FBXO25: variants seen among roughly 807,000 people sequenced by gnomAD.
The protein encoded by FBXO25 is F-box only protein 25.
Under a neutral mutation model 51.9 loss-of-function variants are expected in FBXO25, and 45 were observed. The ratio of observed to expected loss-of-function variants is 0.87; its 90% CI spans 0.68 to 1.11. The LOEUF (loss-of-function observed/expected upper bound fraction) is 1.11, where lower values mean the gene tolerates loss of function less well. Among genes scored for constraint, FBXO25 ranks in the 50% most tolerant of loss-of-function variants. The pLI is 0.00. For synonymous variants in FBXO25, 199 were observed against 151.0 expected, an observed-to-expected ratio of 1.32 and a Z score of -2.33; for missense variants, 507 against 428.5, an observed-to-expected ratio of 1.18 and a Z score of -1.62.
chr8:417,744 T>C (rs1460054885), intron 2 of FBXO25, among the ~76,000 whole-genome samples: 4 of 152,222 alleles, frequency 2.6e-5, no homozygotes, highest in African/African-American at 7.2e-5. Flanking sequence ...TCAGTGTGCA[T>C]TGAGTTCCTC....
rs756859801 is a variant in FBXO25, at chr8:413,184, G to A, written c.105G>A (p.Glu35=). The A allele has an allele frequency of 1.9e-6, 3 of 1,607,390 alleles. No individual in the cohort carries two copies. Among genetic ancestry groups the A allele is most frequent in the Non-Finnish European group, 1.7e-6 (2 of 1,177,666 alleles). The change falls in exon 2 of 10, where the codon GAG becomes GAA. Residue 35 remains glutamate, a synonymous_variant. Transcript: ENST00000350302. ...CTTGTAGTCAGAAACTTGAAAGAGA[G>A]AATAACCGTTGTAACATCAGTCACA... ...CESCSQKLER[E]NNRCNISHSI... is the part of the protein sequence containing the mutation.
At chr8:407,959 A>G (rs1287813550) in intron 1 of FBXO25, among the ~76,000 whole-genome samples, 1 of 152,156 alleles carries the variant, frequency 6.6e-6, no homozygotes, top group African/African-American at 2.4e-5. Context: ...TTCTTCCCTT[A>G]TGAAGCTGTC....
chr8:463,314 C>A (rs1379920485), intron 9 of FBXO25, among the ~76,000 whole-genome samples, 164 bp downstream of exon 9: 1 of 152,220 alleles, frequency 6.6e-6, no homozygotes, highest in South Asian at 2.1e-4. Context: ...AACAGATGTT[C>A]ATTCAATGTG....
chr8:416,133 A>G (rs1796786427), intron 2 of FBXO25, among the ~76,000 whole-genome samples: 1 of 152,094 alleles, frequency 6.6e-6, no homozygotes, highest in South Asian at 2.1e-4. Flanking sequence ...CATTCTGTAA[A>G]CTGATGTTTC....
In FBXO25 at chr8:433,192, ATGTG is replaced by A. The variant is rs567713971; in HGVS notation, c.288+262_288+265del. Among the ~76,000 whole-genome samples the A allele has an allele frequency of 2.0e-4, 30 of 152,082 alleles. 1 individual carries two copies. In the South Asian group the frequency reaches 6.2e-3, roughly 32 times the overall value. On this transcript the variant is annotated intron_variant, in intron 4 of 9. Transcript: ENST00000350302. ...TTTGTGTGTGTTGTGTGTATGGTGT[ATGTG>A]TGTGGTATATATGGTGTGTATGTAT... is the stretch of plus-strand genomic sequence containing the variant.
chr8:422,441 G>C (rs1797214232), intron 2 of FBXO25, among the ~76,000 whole-genome samples: 1 of 152,234 alleles, frequency 6.6e-6, no homozygotes, highest in African/African-American at 2.4e-5. Flanking sequence ...CCATGGTAGT[G>C]TGTCAGCTAA....
Position 451,347 on chromosome 8 carries a change from G to T in FBXO25, c.554G>T (p.Arg185Ile), listed in dbSNP as rs1313305096. ...AGCTCTACCCTCTGCATTCTTATTA[G>T]AGGAGTAGGGAAGTCTGTATTAGTG... ...DLSSTLCILI[R>I]GVGKSVLVGN... is the part of the protein sequence containing the mutation. The change falls in exon 7 of 10, where the codon AGA becomes ATA. Residue 185 changes from arginine (R) to isoleucine (I), a missense_variant. Arg to Ile is a moderately conservative substitution (Grantham distance 97). Transcript: ENST00000350302. 2 of 1,613,848 alleles carry T rather than the reference G, an allele frequency of 1.2e-6. No homozygotes were observed. The highest frequency in any genetic ancestry group is 1.3e-5 in the African/African-American group (1 of 74,906).
chr8:475,149 A>C lies in FBXO25; in HGVS notation c.*6345A>C, dbSNP rs1479131960. The C allele has an allele frequency of 2.9e-6, 1 of 349,914 alleles. No individual in the cohort carries two copies. The highest frequency in any genetic ancestry group is 5.5e-6 in the Non-Finnish European group (1 of 182,030). The allele number at this position is 349,914 out of a possible 1,614,324, so 21.7% of individuals were successfully genotyped here. A position where few individuals can be genotyped will look rare whatever the true frequency, so the allele number is the denominator to read the frequency against. On this transcript the variant is annotated 3_prime_UTR_variant, in exon 10 of 10. Transcript: ENST00000350302. ...AATTTTTATATATGGTGTGAGGTAG[A>C]TCTAGCTTCATGTGGATGTCCACTT... is the stretch of plus-strand genomic sequence containing the variant.
At chr8:462,030 G>C (rs1281696149) in intron 8 of FBXO25, among the ~76,000 whole-genome samples, 1 of 152,204 alleles carries the variant, frequency 6.6e-6, no homozygotes, top group Non-Finnish European at 1.5e-5. Context: ...TAGAATGGCT[G>C]AGTCATATGG....
chr8:423,206 A>G (rs1797260969), intron 2 of FBXO25, among the ~76,000 whole-genome samples: 1 of 151,408 alleles, frequency 6.6e-6, no homozygotes, highest in African/African-American at 2.4e-5. Flanking sequence ...GTAAATAGAG[A>G]GGCTTAATAC....
chr8:451,091 C>A, intron 6 of FBXO25, 178 bp from the exon 7 acceptor site: 1 of 554,854 alleles, frequency 1.8e-6, no homozygotes, highest in Non-Finnish European at 3.1e-6. Flanking sequence ...TTCATCCATG[C>A]TGAATATGTG....
Position 432,863 on chromosome 8 carries a change from A to G in FBXO25, c.239-23A>G, listed in dbSNP as rs781611245. 1.4e-5 allele frequency: 21 copies of G among 1,530,412 alleles called. No individual in the cohort carries two copies. In the East Asian group the frequency reaches 4.7e-4, roughly 34 times the overall value. 94.8% of individuals were successfully genotyped at this position (1,530,412 alleles called of 1,614,324 possible). On this transcript the variant is annotated intron_variant, in intron 3 of 9. Transcript: ENST00000350302. ...TTGAAATGATTTGCCAGATTTTAAA[A>G]ACAAAGGTAATTTTTATTCTAGGTT...
At chr8:432,969 G>C in intron 4 of FBXO25, 34 bp downstream of exon 4, 1 of 1,514,310 alleles carries the variant, frequency 6.6e-7, no homozygotes, top group Non-Finnish European at 8.8e-7. Context: ...AGAGTATCTT[G>C]TATTGTTTCT....
chr8:462,825 A>G (rs1037060052), intron 8 of FBXO25, among the ~76,000 whole-genome samples, 182 bp from the exon 9 acceptor site: 1 of 152,178 alleles, frequency 6.6e-6, no homozygotes, highest in Non-Finnish European at 1.5e-5. Context: ...TGGGAGCACA[A>G]AAATCCCAGA....
intron 5 of FBXO25, among the ~76,000 whole-genome samples, chr8:437,963 AT>A (rs1563078683): frequency 6.6e-6 from 1 of 151,888 alleles, no homozygotes; most frequent in Non-Finnish European, 1.5e-5. Context: ...ATGTAGAAGC[AT>A]TTTTTTAAAA....
rs1363695520 is a variant in FBXO25, at chr8:445,846, G to A, written c.382-4144G>A. 2.6e-5 allele frequency among the ~76,000 whole-genome samples: 4 copies of A among 152,210 alleles called. No individual in the cohort carries two copies. In the South Asian group the frequency reaches 8.3e-4, roughly 32 times the overall value. Reference sequence around the variant, plus strand: ...AGATCGCGCCATTGCACTCCAGCCTGGGGGACAAGAGTGAAACTCCGTCTC... The same window carrying A: ...AGATCGCGCCATTGCACTCCAGCCTAGGGGACAAGAGTGAAACTCCGTCTC... On this transcript the variant is annotated intron_variant, in intron 5 of 9. Transcript: ENST00000350302.
chr8:453,118 T>C (rs1387894995), intron 7 of FBXO25, among the ~76,000 whole-genome samples: 3 of 152,188 alleles, frequency 2.0e-5, no homozygotes, highest in African/African-American at 7.2e-5. Flanking sequence ...CACAGAAGGA[T>C]AGGTGTTACT....
At chr8:453,797 T>G (rs903090440) in intron 7 of FBXO25, among the ~76,000 whole-genome samples, 2 of 152,136 alleles carry the variant, frequency 1.3e-5, no homozygotes, top group Non-Finnish European at 2.9e-5. Flanking sequence ...GACAGTTGTC[T>G]TTGTCTTCTA....
At position 473,035 on chromosome 8, in the gene FBXO25, C is replaced by G. The variant is rs1800531203; in HGVS notation, c.*4231C>G. The G allele has an allele frequency of 6.6e-6, 1 of 152,416 alleles. No homozygotes were observed. The highest frequency in any genetic ancestry group is 1.5e-5 in the Non-Finnish European group (1 of 68,176). The allele number at this position is 152,416 out of a possible 1,614,324, so 9.4% of individuals were successfully genotyped here. On this transcript the variant is annotated 3_prime_UTR_variant, in exon 10 of 10. Transcript: ENST00000350302. Reference sequence around the variant, plus strand: ...AAGAAGGACCTGCATACATGACTAACCAGCACCAGCCATTGGGGCCCTCTA... The same window carrying G: ...AAGAAGGACCTGCATACATGACTAAGCAGCACCAGCCATTGGGGCCCTCTA...
Sources: gnomAD v4.1 joint callset for allele counts (sites outside exome capture counted in the v4.1 genomes callset) on GRCh38, gnomAD v4.1.1 for gene constraint, MANE v1.5 for transcripts, NCBI Gene and HGNC (gene_info 2026-07-23, HGNC 2026-07-21) for gene names.